RGS7: variants seen among roughly 807,000 people sequenced by gnomAD.
RGS7 encodes the protein regulator of G-protein signaling 7.
RGS7 carries 27 observed loss-of-function variants against 81.1 expected under a neutral mutation model. The ratio of observed to expected loss-of-function variants is 0.33; its 90% confidence interval spans 0.25 to 0.46. The LOEUF (loss-of-function observed/expected upper bound fraction) is 0.46. Among genes scored for constraint, RGS7 ranks in the 20% least tolerant of loss-of-function variants. The pLI is 1.00. For missense variants in RGS7, 396 were observed against 607.4 expected (o/e 0.65, Z 3.66); for synonymous variants, 208 against 207.7 (o/e 1.00, Z -0.01).
intron 3 of RGS7, among the ~76,000 whole-genome samples, chr1:241,011,949 T>C (rs1055564039): frequency 3.3e-5 from 5 of 152,198 alleles, no homozygotes; most frequent in Non-Finnish European, 7.3e-5. Flanking sequence ...GGAGTAGCTG[T>C]TCTTTATTAA....
intron 13 of RGS7, 62 bp downstream of exon 13, chr1:240,813,556 C>G (rs2103106102): frequency 2.0e-6 from 2 of 985,438 alleles, no homozygotes; most frequent in Middle Eastern, 2.1e-4. Flanking sequence ...AAAATCCTTC[C>G]CATTTCACTC....
intron 2 of RGS7, among the ~76,000 whole-genome samples, chr1:241,324,608 C>G (rs2081393059): frequency 6.6e-6 from 1 of 152,246 alleles, no homozygotes; most frequent in South Asian, 2.1e-4. Flanking sequence ...ACACCACTGT[C>G]TGCTGAATAA....
In RGS7 at chr1:241,341,870, C is replaced by CTTTAT. The variant is rs1553325645; in HGVS notation, c.78+13828_78+13829insATAAA. On this transcript the variant is annotated intron_variant, in intron 2 of 18. Transcript: ENST00000440928. Reference sequence around the variant, plus strand: ...AGGTACAAGTAGACACTCTTCAACTCTTTTTTTTTTTTTTTTTTTTTTTTG... The same window carrying CTTTAT: ...AGGTACAAGTAGACACTCTTCAACTCTTTATTTTTTTTTTTTTTTTTTTTTTTTTG... Among the ~76,000 whole-genome samples the CTTTAT allele has an allele frequency of 3.4e-5, 3 of 89,522 alleles. 1 individual carries two copies. The South Asian group carries it at 1.2e-3, about 36-fold the overall frequency. 58.7% of individuals were successfully genotyped at this position (89,522 alleles called of 152,430 possible).
chr1:240,981,232 C>A (rs1684865406), intron 4 of RGS7, among the ~76,000 whole-genome samples: 1 of 152,098 alleles, frequency 6.6e-6, no homozygotes, highest in South Asian at 2.1e-4. Flanking sequence ...GTCTCAGCCT[C>A]CCAAGTAACT....
chr1:241,130,344 TA>T lies in RGS7; in HGVS notation c.79-31583del, dbSNP rs535450158. ...CCTATTTTAAGTGATTAACATAAAT[TA>T]AAAAAAAAAAACACTAGGCTCTGAA... On this transcript the variant is annotated intron_variant, in intron 2 of 18. Transcript: ENST00000440928. Among the ~76,000 whole-genome samples, 438 of 144,018 alleles carry T rather than the reference TA, an allele frequency of 3.0e-3. 4 individuals carry two copies. Among genetic ancestry groups the T allele is most frequent in the African/African-American group, 7.8e-3 (311 of 39,994 alleles). 94.5% of individuals were successfully genotyped at this position (144,018 alleles called of 152,430 possible). A position where few individuals can be genotyped will look rare whatever the true frequency, so the allele number is the denominator to read the frequency against.
intron 4 of RGS7, among the ~76,000 whole-genome samples, chr1:240,960,232 T>TTTTGTTG (rs71172665): frequency 1.4e-4 from 10 of 70,182 alleles, no homozygotes; most frequent in African/African-American, 3.6e-4. Flanking sequence ...TTTTTTTTTT[T>TTTTGTTG]TTGTTGTTGT....
At chr1:241,085,165 C>T (rs2063359164) in intron 3 of RGS7, among the ~76,000 whole-genome samples, 3 of 152,278 alleles carry the variant, frequency 2.0e-5, no homozygotes, top group South Asian at 4.1e-4. Context: ...CCAATGAATC[C>T]ATGCAGGAGA....
intron 6 of RGS7, among the ~76,000 whole-genome samples, chr1:240,896,503 G>T (rs576009393): frequency 1.3e-5 from 2 of 152,242 alleles, no homozygotes; most frequent in South Asian, 4.1e-4. Flanking sequence ...TCTACCTATG[G>T]CTAGCCAGTT....
At chr1:241,149,432 C>T (rs548452178) in intron 2 of RGS7, among the ~76,000 whole-genome samples, 1 of 152,318 alleles carries the variant, frequency 6.6e-6, no homozygotes, top group African/African-American at 2.4e-5. Context: ...GCTGGGATTA[C>T]AGGCATGAGC....
At chr1:241,073,990 T>A (rs1427334724) in intron 3 of RGS7, among the ~76,000 whole-genome samples, 1 of 151,536 alleles carries the variant, frequency 6.6e-6, no homozygotes, top group Non-Finnish European at 1.5e-5. Context: ...AACCTCCGCC[T>A]CCCAGGTTCA....
intron 3 of RGS7, among the ~76,000 whole-genome samples, chr1:241,032,997 G>T (rs916856866): frequency 1.6e-4 from 24 of 152,032 alleles, no homozygotes; most frequent in Non-Finnish European, 4.4e-5. Context: ...GACTGCTCTG[G>T]CTAGGACTTG....
chr1:241,321,181 T>C (rs1373453440), intron 2 of RGS7, among the ~76,000 whole-genome samples: 7 of 152,356 alleles, frequency 4.6e-5, no homozygotes, highest in African/African-American at 1.4e-4. Context: ...TATAAATTTC[T>C]TCTTAAATTG....
intron 2 of RGS7, among the ~76,000 whole-genome samples, chr1:241,265,228 C>T (rs1233597399): frequency 1.3e-5 from 2 of 152,204 alleles, no homozygotes; most frequent in East Asian, 3.8e-4. Context: ...TAATAAACTG[C>T]TGTCAATGTT....
intron 2 of RGS7, among the ~76,000 whole-genome samples, chr1:241,303,573 C>T (rs2079900929): frequency 6.6e-6 from 1 of 152,172 alleles, no homozygotes; most frequent in Non-Finnish European, 1.5e-5. Context: ...CTACTCTACA[C>T]AATGGTCATA....
At chr1:241,151,307 C>G (rs7522873) in intron 2 of RGS7, among the ~76,000 whole-genome samples, 29,486 of 151,990 alleles carry the variant, frequency 0.19, 2,935 homozygotes, top group African/African-American at 0.22. Context: ...TGATTGTGGC[C>G]TGAAGAGAGG....
intron 3 of RGS7, among the ~76,000 whole-genome samples, chr1:241,068,158 T>C (rs1269975114): frequency 1.3e-5 from 2 of 150,310 alleles, no homozygotes; most frequent in East Asian, 3.9e-4. Flanking sequence ...GCTGCATTAA[T>C]TCAGTGGGTC....
At chr1:240,827,379 A>C (rs1241118264) in intron 9 of RGS7, among the ~76,000 whole-genome samples, 1 of 152,222 alleles carries the variant, frequency 6.6e-6, no homozygotes, top group Admixed American at 6.5e-5. Flanking sequence ...CACACTTAAA[A>C]GCCTTCAGAT....
intron 3 of RGS7, among the ~76,000 whole-genome samples, chr1:241,061,612 G>A (rs2061741249): frequency 6.6e-6 from 1 of 152,184 alleles, no homozygotes; most frequent in Admixed American, 6.5e-5. Context: ...GAGCACGCAG[G>A]AGGACAATTA....
intron 3 of RGS7, among the ~76,000 whole-genome samples, chr1:241,023,136 A>G (rs2059619158): frequency 6.8e-6 from 1 of 147,694 alleles, no homozygotes; most frequent in African/African-American, 2.5e-5. Context: ...CGTGTAAAAT[A>G]ACAACTATGA....
Sources: allele counts gnomAD v4.1 joint callset (sites outside exome capture counted in the v4.1 genomes callset), GRCh38; gene constraint gnomAD v4.1.1; transcripts MANE v1.5; gene names NCBI Gene and HGNC (gene_info 2026-07-23, HGNC 2026-07-21).